The following VWA3B variants were observed in gnomAD, a reference collection of about 807,000 sequenced individuals.
VWA3B encodes von Willebrand factor A domain-containing protein 3B.
In VWA3B, 138 loss-of-function variants were observed where a neutral mutation model predicts 158.3. The ratio of observed to expected loss-of-function variants is 0.87; its 90% CI spans 0.76 to 1.00. VWA3B has a LOEUF of 1.00. Among genes scored for constraint, VWA3B ranks in the 50% least tolerant of loss-of-function variants. The pLI is 0.00. For missense variants in VWA3B, 1,555 were observed against 1,565.1 expected, an observed-to-expected ratio of 0.99 and a Z score of 0.11; for synonymous variants, 596 against 587.3, an observed-to-expected ratio of 1.01 and a Z score of -0.21.
chr2:98,133,958 A>G lies in VWA3B; in HGVS notation c.988+19A>G. On this transcript the variant is annotated intron_variant, in intron 7 of 27. Coordinates refer to ENST00000477737, the MANE Select transcript of VWA3B (RefSeq NM_144992.5). ...CCTCCAGGTACCTGGAATCCAAAAG[A>G]AGTGGTGTAGCTTATGTCCCGAATA... The G allele has an allele frequency of 6.2e-7, 1 of 1,604,450 alleles. No homozygotes were observed. The highest frequency in any genetic ancestry group is 1.3e-5 in the African/African-American group (1 of 74,810).
At chr2:98,220,797 G>T (rs1684427173) in intron 14 of VWA3B, among the ~76,000 whole-genome samples, 3 of 152,106 alleles carry the variant, frequency 2.0e-5, no homozygotes, top group African/African-American at 7.2e-5. Flanking sequence ...GCCATAAAAA[G>T]GAATGAGATC....
At chr2:98,182,567 T>C (rs2105359000) in intron 9 of VWA3B, among the ~76,000 whole-genome samples, 1 of 152,330 alleles carries the variant, frequency 6.6e-6, no homozygotes, top group East Asian at 1.9e-4. Context: ...CAGCACAGTT[T>C]TCTGGTTTTG....
chr2:98,320,539 G>A, the VWA3B span, among the ~76,000 whole-genome samples: 2 of 152,188 alleles, frequency 1.3e-5, no homozygotes, highest in Non-Finnish European at 2.9e-5. Context: ...GAATGGCTTT[G>A]ACTAAAATGC....
At chr2:98,135,978 T>G (rs1676252071) in intron 7 of VWA3B, among the ~76,000 whole-genome samples, 1 of 152,076 alleles carries the variant, frequency 6.6e-6, no homozygotes, top group Non-Finnish European at 1.5e-5. Flanking sequence ...ACCCTCTCGT[T>G]TGGTGGGGGA....
At position 98,133,247 on chromosome 2, in the gene VWA3B, T is replaced by A. The variant is rs137870991; in HGVS notation, c.873-577T>A. Among the ~76,000 whole-genome samples, 65 of 152,310 alleles carry A rather than the reference T, an allele frequency of 4.3e-4. 1 individual carries two copies. Among genetic ancestry groups the A allele is most frequent in the African/African-American group, 1.5e-3 (64 of 41,572 alleles). On this transcript the variant is annotated intron_variant, in intron 6 of 27. Coordinates refer to ENST00000477737, the MANE Select transcript of VWA3B (RefSeq NM_144992.5). Reference sequence around the variant, plus strand: ...GTGTGTATTCCTAACCTGCTGCTCCTTGGACCATGCTTTGAAAAGACAGGT... The same window carrying A: ...GTGTGTATTCCTAACCTGCTGCTCCATGGACCATGCTTTGAAAAGACAGGT...
At chr2:98,167,831 T>C (rs898948668) in intron 8 of VWA3B, among the ~76,000 whole-genome samples, 1 of 152,180 alleles carries the variant, frequency 6.6e-6, no homozygotes, top group African/African-American at 2.4e-5. Context: ...CTGAAAGCTT[T>C]AGAATCCATG....
chr2:98,226,754 G>A (rs1684943764), intron 14 of VWA3B, among the ~76,000 whole-genome samples: 1 of 151,008 alleles, frequency 6.6e-6, no homozygotes, highest in African/African-American at 2.4e-5. Context: ...TCAGAAAATA[G>A]GCAAAATGTA....
At chr2:98,230,691 T>C (rs183139144) in intron 16 of VWA3B, among the ~76,000 whole-genome samples, 1 of 152,204 alleles carries the variant, frequency 6.6e-6, no homozygotes, top group Admixed American at 6.5e-5. Flanking sequence ...TTCCTACAGC[T>C]AAAATCAAAC....
intron 16 of VWA3B, among the ~76,000 whole-genome samples, chr2:98,233,035 G>A (rs1315116869): frequency 6.6e-6 from 1 of 152,246 alleles, no homozygotes; most frequent in Non-Finnish European, 1.5e-5. Context: ...GTACAAGGGA[G>A]CAGCATCGTA....
intron 22 of VWA3B, among the ~76,000 whole-genome samples, chr2:98,283,280 G>A (rs946525429): frequency 2.0e-5 from 3 of 152,146 alleles, no homozygotes; most frequent in Non-Finnish European, 2.9e-5. Flanking sequence ...TCCCAGAATC[G>A]ATGTGGACAT....
chr2:98,129,408 C>T (rs1011081423), intron 6 of VWA3B, among the ~76,000 whole-genome samples: 2 of 152,076 alleles, frequency 1.3e-5, no homozygotes, highest in South Asian at 4.1e-4. Context: ...GTCTCTTCCT[C>T]TTCCTATAAG....
At chr2:98,267,988 A>T (rs2105876219) in intron 21 of VWA3B, among the ~76,000 whole-genome samples, 1 of 152,240 alleles carries the variant, frequency 6.6e-6, no homozygotes, top group South Asian at 2.1e-4. Context: ...AGACTAAACC[A>T]GGAAGAAATT....
At chr2:98,325,849 C>T in the VWA3B span, among the ~76,000 whole-genome samples, 1 of 152,166 alleles carries the variant, frequency 6.6e-6, no homozygotes, top group African/African-American at 2.4e-5. Flanking sequence ...ATTATCTCAA[C>T]CATCTTGACC....
At chr2:98,216,320 C>T (rs1460363321) in intron 13 of VWA3B, among the ~76,000 whole-genome samples, 2 of 152,204 alleles carry the variant, frequency 1.3e-5, no homozygotes. Flanking sequence ...GGGAACAGCC[C>T]CATGCAGCTT....
In VWA3B at chr2:98,300,105, T is replaced by C. The variant is rs6731704; in HGVS notation, c.3309T>C (p.Ile1103=). 11 of 1,614,124 alleles carry C rather than the reference T, an allele frequency of 6.8e-6. No individual in the cohort carries two copies. The South Asian group carries it at 1.2e-4, about 18-fold the overall frequency. Residue 1103 remains isoleucine, a synonymous_variant, in exon 25 of 28, where the codon ATT becomes ATC. Coordinates refer to ENST00000477737, the MANE Select transcript of VWA3B (RefSeq NM_144992.5). ...TTGGAGATTATGTGTTTGCCAAAATTGTGATACCCAAAGGATTTGACTTCT... is the reference window on the plus strand; with the variant it reads ...TTGGAGATTATGTGTTTGCCAAAATCGTGATACCCAAAGGATTTGACTTCT... ...LQVGDYVFAK[I]VIPKGFDFYV...
At position 98,119,866 on chromosome 2, in the gene VWA3B, G is replaced by C. The variant is rs528855689; in HGVS notation, c.542+103G>C. On this transcript the variant is annotated intron_variant, in intron 4 of 27. Transcript: ENST00000477737. The stretch of plus-strand genomic sequence containing the variant: ...TGACACAGTTAGCTCTCTGGTGAGG[G>C]AAGAGGCATTATCTTATACTTTCCT... 7.7e-4 allele frequency: 1,079 copies of C among 1,394,120 alleles called. 2 individuals carry two copies. Among genetic ancestry groups the C allele is most frequent in the Non-Finnish European group, 1.0e-3 (1,021 of 1,015,768 alleles). The allele number at this position is 1,394,120 out of a possible 1,614,324, so 86.4% of individuals were successfully genotyped here.
At chr2:98,143,501 C>T (rs1220178208) in intron 7 of VWA3B, among the ~76,000 whole-genome samples, 1 of 152,114 alleles carries the variant, frequency 6.6e-6, no homozygotes, top group Non-Finnish European at 1.5e-5. Context: ...TTTAAGTTTT[C>T]TGCCTTATTT....
chr2:98,231,988 C>T (rs1236899099), intron 16 of VWA3B, among the ~76,000 whole-genome samples: 1 of 152,126 alleles, frequency 6.6e-6, no homozygotes, highest in African/African-American at 2.4e-5. Context: ...CTTCATCCAG[C>T]TTTGGTATCA....
intron 21 of VWA3B, among the ~76,000 whole-genome samples, chr2:98,259,922 G>A (rs1687379700): frequency 6.6e-6 from 1 of 151,628 alleles, no homozygotes; most frequent in South Asian, 2.1e-4. Flanking sequence ...ATTTGGGTGT[G>A]TTGTGTTTTC....
Sources: allele counts gnomAD v4.1 joint callset (sites outside exome capture counted in the v4.1 genomes callset), GRCh38; gene constraint gnomAD v4.1.1; transcripts MANE v1.5; gene names NCBI Gene and HGNC (gene_info 2026-07-23, HGNC 2026-07-21).